The following SHISA9 variants were observed in gnomAD, a reference collection of about 807,000 sequenced individuals.
SHISA9 encodes protein shisa-9.
SHISA9 carries 13 observed loss-of-function variants against 38.0 expected under a neutral mutation model. That is an observed-to-expected ratio of 0.34 (90% CI 0.22 to 0.54). SHISA9 has a LOEUF of 0.54. Ranked by LOEUF, SHISA9 falls within the 20% of genes least tolerant of loss-of-function variation. The pLI, the probability that SHISA9 is intolerant of heterozygous loss-of-function variation, is 0.91. For synonymous variants in SHISA9, 275 were observed against 242.0 expected, an observed-to-expected ratio of 1.14 and a Z score of -1.27; for missense variants, 538 against 575.8, an observed-to-expected ratio of 0.93 and a Z score of 0.67.
the SHISA9 span, among the ~76,000 whole-genome samples, chr16:13,491,012 T>C: frequency 6.6e-6 from 1 of 152,208 alleles, no homozygotes; most frequent in Non-Finnish European, 1.5e-5. Flanking sequence ...GTTCAACTAA[T>C]TGGTGTTAAG....
intron 2 of SHISA9, among the ~76,000 whole-genome samples, chr16:12,964,384 G>T (rs1263892483): frequency 1.4e-5 from 2 of 142,910 alleles, no homozygotes; most frequent in Non-Finnish European, 3.1e-5. Context: ...TGGACTTTCT[G>T]TTTTTTTTTT....
At chr16:13,001,684 A>G (rs959873557) in intron 2 of SHISA9, among the ~76,000 whole-genome samples, 1 of 152,258 alleles carries the variant, frequency 6.6e-6, no homozygotes, top group Non-Finnish European at 1.5e-5. Context: ...ATAAAATAGT[A>G]TTCCTAAGAT....
At chr16:13,268,281 G>A in the SHISA9 span, among the ~76,000 whole-genome samples, 13 of 152,118 alleles carry the variant, frequency 8.5e-5, no homozygotes, top group African/African-American at 1.7e-4. Flanking sequence ...AGGCCAAGGC[G>A]AGTATATCAC....
intron 2 of SHISA9, among the ~76,000 whole-genome samples, chr16:13,015,687 T>TA (rs1368468212): frequency 6.6e-6 from 1 of 152,076 alleles, no homozygotes; most frequent in African/African-American, 2.4e-5. Context: ...AGGGGACTGT[T>TA]ACCCTATGCG....
the SHISA9 span, among the ~76,000 whole-genome samples, chr16:13,554,047 C>T: frequency 1.3e-5 from 2 of 152,044 alleles, no homozygotes; most frequent in African/African-American, 4.8e-5. Flanking sequence ...AATATGCTTC[C>T]TCTATTTTGG....
At chr16:12,964,566 G>A (rs2071953835) in intron 2 of SHISA9, among the ~76,000 whole-genome samples, 1 of 152,130 alleles carries the variant, frequency 6.6e-6, no homozygotes, top group Non-Finnish European at 1.5e-5. Context: ...AAGACAGGAT[G>A]TGTTTATACT....
the SHISA9 span, among the ~76,000 whole-genome samples, chr16:13,511,808 A>AAT: frequency 6.6e-6 from 1 of 152,144 alleles, no homozygotes; most frequent in African/African-American, 2.4e-5. Context: ...AGAGAGAGAG[A>AAT]GAAATCTGAA....
chr16:13,352,702 G>GA, the SHISA9 span, among the ~76,000 whole-genome samples: 1 of 11,386 alleles, frequency 8.8e-5, no homozygotes, highest in African/African-American at 2.7e-4. Flanking sequence ...GGAGATAAGG[G>GA]GGGGGGGGGG....
intron 2 of SHISA9, among the ~76,000 whole-genome samples, chr16:12,947,870 G>A (rs186202105): frequency 4.6e-5 from 7 of 152,272 alleles, no homozygotes; most frequent in South Asian, 4.2e-4. Context: ...AGTAGTGACC[G>A]TTCCTTGACT....
chr16:13,123,315 T>G (rs2050229893), intron 2 of SHISA9, among the ~76,000 whole-genome samples: 1 of 152,258 alleles, frequency 6.6e-6, no homozygotes, highest in Admixed American at 6.5e-5. Flanking sequence ...GATAAATTCA[T>G]TCATTCATTT....
intron 2 of SHISA9, among the ~76,000 whole-genome samples, chr16:13,143,836 C>T (rs1210304797): frequency 6.6e-6 from 1 of 152,204 alleles, no homozygotes; most frequent in Non-Finnish European, 1.5e-5. Flanking sequence ...AATCCACATT[C>T]AGTGACTTTA....
Position 13,061,477 on chromosome 16 carries a change from C to T in SHISA9, c.692-141917C>T, listed in dbSNP as rs143662610. 2.9e-3 allele frequency among the ~76,000 whole-genome samples: 439 copies of T among 152,282 alleles called. 3 individuals carry two copies. Among genetic ancestry groups the T allele is most frequent in the African/African-American group, 9.6e-3 (400 of 41,552 alleles). The stretch of plus-strand genomic sequence containing the variant: ...GTTACATATCAGCAAAACATTTGAA[C>T]TTGGCAGGTTTATGCACTGTCCGGA... On this transcript the variant is annotated intron_variant, in intron 2 of 4. Coordinates refer to ENST00000558583, the MANE Select transcript of SHISA9 (RefSeq NM_001145204.3).
At chr16:13,424,389 A>G in the SHISA9 span, among the ~76,000 whole-genome samples, 3 of 152,188 alleles carry the variant, frequency 2.0e-5, no homozygotes, top group African/African-American at 7.2e-5. Context: ...TTATCATCAC[A>G]TTCCAGGCTT....
At chr16:13,476,364 A>G in the SHISA9 span, among the ~76,000 whole-genome samples, 2 of 152,166 alleles carry the variant, frequency 1.3e-5, no homozygotes, top group African/African-American at 4.8e-5. Context: ...TTAGTCTGTT[A>G]GGGAGATGGA....
the SHISA9 span, among the ~76,000 whole-genome samples, chr16:13,250,151 T>C: frequency 2.6e-5 from 4 of 152,224 alleles, no homozygotes; most frequent in Admixed American, 1.3e-4. Context: ...CCTGCTGCTG[T>C]TTTCCAAAGC....
At chr16:12,935,055 T>G (rs1303923998) in intron 2 of SHISA9, among the ~76,000 whole-genome samples, 4 of 152,142 alleles carry the variant, frequency 2.6e-5, no homozygotes, top group Non-Finnish European at 5.9e-5. Context: ...GTAAGATTCT[T>G]AAACTTGACG....
chr16:13,294,249 C>T, the SHISA9 span, among the ~76,000 whole-genome samples: 1 of 152,198 alleles, frequency 6.6e-6, no homozygotes, highest in Non-Finnish European at 1.5e-5. Context: ...TATTATATAT[C>T]ACATGACCAT....
intron 2 of SHISA9, among the ~76,000 whole-genome samples, chr16:13,112,503 A>T (rs191552994): frequency 6.6e-6 from 1 of 152,174 alleles, no homozygotes; most frequent in Admixed American, 6.6e-5. Context: ...ACATTTTCCA[A>T]ATATGCATTC....
intron 2 of SHISA9, among the ~76,000 whole-genome samples, chr16:12,986,069 C>G (rs2072304279): frequency 6.6e-6 from 1 of 152,132 alleles, no homozygotes; most frequent in Admixed American, 6.5e-5. Flanking sequence ...TCCTTCCTTT[C>G]TATGTGCTGT....
Sources: allele counts gnomAD v4.1 joint callset (sites outside exome capture counted in the v4.1 genomes callset), GRCh38; gene constraint gnomAD v4.1.1; transcripts MANE v1.5; gene names NCBI Gene and HGNC (gene_info 2026-07-23, HGNC 2026-07-21).